LRRC7: variants seen among roughly 807,000 people sequenced by gnomAD.
The protein encoded by LRRC7 is leucine-rich repeat-containing protein 7.
In LRRC7, 23 loss-of-function variants were observed where a neutral mutation model predicts 175.7. That is an observed-to-expected ratio of 0.13 (90% CI 0.09 to 0.19). The LOEUF is 0.19. Among genes scored for constraint, LRRC7 ranks in the 10% least tolerant of loss-of-function variants. LRRC7 has a pLI of 1.00. For synonymous variants in LRRC7, 685 were observed against 680.9 expected (o/e 1.01, Z -0.09); for missense variants, 1,354 against 1,904.7 (o/e 0.71, Z 5.38).
chr1:69,648,225 T>C (rs1655278794), intron 1 of LRRC7, among the ~76,000 whole-genome samples: 1 of 152,152 alleles, frequency 6.6e-6, no homozygotes, highest in Non-Finnish European at 1.5e-5. Context: ...GTGTAACATT[T>C]AGTGTCTGTC....
chr1:70,000,283 T>C (rs1655404059), intron 11 of LRRC7, among the ~76,000 whole-genome samples: 1 of 152,232 alleles, frequency 6.6e-6, no homozygotes, highest in South Asian at 2.1e-4. Flanking sequence ...GTATTTTTAC[T>C]GTACCTTTTC....
intron 23 of LRRC7, among the ~76,000 whole-genome samples, chr1:70,066,185 C>G (rs960499647): frequency 6.6e-6 from 1 of 151,924 alleles, no homozygotes; most frequent in African/African-American, 2.4e-5. Context: ...AGTGCTATAT[C>G]TCCAGCAATA....
intron 1 of LRRC7, among the ~76,000 whole-genome samples, chr1:69,569,110 C>A (rs1645626677): frequency 2.0e-5 from 3 of 151,648 alleles, no homozygotes; most frequent in Non-Finnish European, 4.4e-5. Flanking sequence ...GCAGGACGCA[C>A]TTGTCTCTTT....
intron 9 of LRRC7, among the ~76,000 whole-genome samples, chr1:69,982,782 C>T (rs565599054): frequency 6.6e-6 from 1 of 152,272 alleles, no homozygotes; most frequent in South Asian, 2.1e-4. Context: ...TTTCCATTTG[C>T]TGCACTGCTC....
At chr1:70,078,407 A>T (rs1304797512) in intron 24 of LRRC7, among the ~76,000 whole-genome samples, 1 of 152,140 alleles carries the variant, frequency 6.6e-6, no homozygotes, top group African/African-American at 2.4e-5. Flanking sequence ...ATGACATCAT[A>T]TTAATAGGTT....
At chr1:69,864,575 G>A (rs1205802142) in intron 7 of LRRC7, among the ~76,000 whole-genome samples, 1 of 152,118 alleles carries the variant, frequency 6.6e-6, no homozygotes. Flanking sequence ...GTTAAGAAGA[G>A]AACATTAACT....
chr1:70,038,612 G>T lies in LRRC7; in HGVS notation c.2788G>T (p.Val930Leu), dbSNP rs758138383. ...AATACCTAGTCCTTTTTCTCCAGGC[G>T]TACCATGGGAGTATCATGATTCCAA... ...TEIPSPFSPG[V>L]PWEYHDSNPN... is the part of the protein sequence containing the mutation. The change falls in exon 21 of 27, where the codon GTA becomes TTA. Residue 930 changes from valine to leucine, a missense_variant. Val to Leu is a conservative substitution (Grantham distance 32, BLOSUM62 1). Coordinates refer to ENST00000651989, the MANE Select transcript of LRRC7 (RefSeq NM_001370785.2). The T allele has an allele frequency of 6.2e-7, 1 of 1,613,910 alleles. No homozygotes were observed. The highest frequency in any genetic ancestry group is 1.7e-5 in the Admixed American group (1 of 59,996).
rs1666554151 is a variant in LRRC7, at chr1:70,128,922, G to C, written c.*7035G>C. 6.6e-6 allele frequency: 1 copy of C among 152,022 alleles called. No homozygotes were observed. Among genetic ancestry groups the C allele is most frequent in the Non-Finnish European group, 1.5e-5 (1 of 68,000 alleles). The allele number at this position is 152,022 out of a possible 1,614,324, so 9.4% of individuals were successfully genotyped here. On this transcript the variant is annotated 3_prime_UTR_variant, in exon 27 of 27. Transcript: ENST00000651989. Reference sequence around the variant, plus strand: ...GGAGCTACAGATAGGTCTTCTGCTGGTTCTTGTGACCTTCACACAGCTCAC... The same window carrying C: ...GGAGCTACAGATAGGTCTTCTGCTGCTTCTTGTGACCTTCACACAGCTCAC...
chr1:69,831,829 CTG>C (rs1680558128), intron 5 of LRRC7, among the ~76,000 whole-genome samples: 2 of 152,052 alleles, frequency 1.3e-5, no homozygotes, highest in Admixed American at 6.6e-5. Flanking sequence ...TTGTTGGAAA[CTG>C]TAACTTTAAG....
intron 16 of LRRC7, among the ~76,000 whole-genome samples, chr1:70,022,856 C>T (rs748371018): frequency 2.0e-5 from 3 of 152,136 alleles, no homozygotes; most frequent in Non-Finnish European, 4.4e-5. Flanking sequence ...TTGACCTATG[C>T]TTTCAACTTT....
intron 8 of LRRC7, among the ~76,000 whole-genome samples, chr1:69,941,159 C>T (rs1238016939): frequency 2.0e-5 from 3 of 151,944 alleles, no homozygotes; most frequent in Admixed American, 6.6e-5. Context: ...CCCAGAAGGA[C>T]GCAGTAGACC....
Position 70,141,152 on chromosome 1 carries a change from G to A in LRRC7, c.*19265G>A, listed in dbSNP as rs553690965. Among the ~76,000 whole-genome samples the A allele has an allele frequency of 6.6e-6, 1 of 152,172 alleles. No individual in the cohort carries two copies. The highest frequency in any genetic ancestry group is 2.1e-4 in the South Asian group (1 of 4,828). On this transcript the variant is annotated 3_prime_UTR_variant, in exon 27 of 27. Coordinates refer to ENST00000651989, the MANE Select transcript of LRRC7 (RefSeq NM_001370785.2). ...AGATAACAAAAGATGTAGATAAGAG[G>A]ACATTGTTAACTGGTGGCTGCAAAT...
At position 69,891,878 on chromosome 1, in the gene LRRC7, G is replaced by A. The variant is rs372622189; in HGVS notation, c.648-39629G>A. On this transcript the variant is annotated intron_variant, in intron 7 of 26. Transcript: ENST00000651989. ...TGCCAATAGACTTGCTCAACACAGGGTTGCCACAAACCTTCAATGTGTAAA... is the reference window on the plus strand; with the variant it reads ...TGCCAATAGACTTGCTCAACACAGGATTGCCACAAACCTTCAATGTGTAAA... Among the ~76,000 whole-genome samples the A allele has an allele frequency of 5.8e-4, 88 of 152,192 alleles. 1 individual carries two copies. The South Asian group carries it at 0.018, about 30-fold the overall frequency.
At chr1:69,930,684 A>G (rs995989155) in intron 7 of LRRC7, among the ~76,000 whole-genome samples, 2 of 152,186 alleles carry the variant, frequency 1.3e-5, no homozygotes, top group Admixed American at 6.5e-5. Flanking sequence ...GGTAATTTAT[A>G]TAGAAAAGAG....
intron 6 of LRRC7, among the ~76,000 whole-genome samples, chr1:69,837,058 A>G (rs1239400259): frequency 2.6e-5 from 4 of 152,004 alleles, no homozygotes; most frequent in African/African-American, 7.2e-5. Flanking sequence ...TTCTATATGG[A>G]CAGGAATAAC....
rs1454583278 is a variant in LRRC7 at position 69,803,510 on chromosome 1, T to G, written c.421+11350T>G. ...TACTTTAAGTTGTTAGCTTTACAAA[T>G]TGTATCACTTTTTAAGAAATGCATT... On this transcript the variant is annotated intron_variant, in intron 4 of 26. Transcript: ENST00000651989. Among the ~76,000 whole-genome samples the G allele has an allele frequency of 2.0e-5, 3 of 151,568 alleles. No homozygotes were observed. In the East Asian group the frequency reaches 5.8e-4, roughly 29 times the overall value.
intron 2 of LRRC7, among the ~76,000 whole-genome samples, chr1:69,698,581 T>G (rs1040735): frequency 0.44 from 66,828 of 152,020 alleles, 14,944 homozygotes; most frequent in Admixed American, 0.5. Context: ...AAATTTCTAG[T>G]ACCCTTCCTC....
At chr1:70,054,517 G>A (rs904415827) in intron 23 of LRRC7, among the ~76,000 whole-genome samples, 2 of 147,666 alleles carry the variant, frequency 1.4e-5, no homozygotes. Context: ...CAGGGAGAAA[G>A]TGGATATTAT....
intron 7 of LRRC7, among the ~76,000 whole-genome samples, chr1:69,898,461 C>A (rs936561327): frequency 7.9e-5 from 12 of 152,138 alleles, no homozygotes; most frequent in Admixed American, 6.5e-5. Context: ...AATGGGAGGA[C>A]CTTGAATAAA....
Sources: gnomAD v4.1 joint callset for allele counts (sites outside exome capture counted in the v4.1 genomes callset) on GRCh38, gnomAD v4.1.1 for gene constraint, MANE v1.5 for transcripts, NCBI Gene and HGNC (gene_info 2026-07-23, HGNC 2026-07-21) for gene names.